The following EPHA3 variants were observed in gnomAD, a reference collection of about 807,000 sequenced individuals.
EPHA3 encodes the protein EPH receptor A3, also known as ephrin type-A receptor 3.
A neutral mutation model predicts 107.1 loss-of-function variants in EPHA3; 42 were observed. That is an observed-to-expected ratio of 0.39 (90% CI 0.31 to 0.51). The LOEUF is 0.51. Among genes scored for constraint, EPHA3 ranks in the 20% least tolerant of loss-of-function variants. The pLI, the probability that EPHA3 is intolerant of heterozygous loss-of-function variation, is 0.78. For synonymous variants in EPHA3, 461 were observed against 424.8 expected (o/e 1.09, Z -1.05); for missense variants, 1,183 against 1,211.2 (o/e 0.98, Z 0.35).
chr3:89,341,181 G>A (rs918457663), intron 4 of EPHA3, 110 bp downstream of exon 4: 29 of 1,182,668 alleles, frequency 2.5e-5, no homozygotes, highest in East Asian at 2.3e-4. Flanking sequence ...TCTGTTGCCC[G>A]TGTGCAAATT....
Position 89,480,297 on chromosome 3 carries a change from T to C in EPHA3, c.*795T>C, listed in dbSNP as rs1287228155. The C allele has an allele frequency of 2.6e-5, 6 of 232,900 alleles. No individual in the cohort carries two copies. The highest frequency in any genetic ancestry group is 4.4e-5 in the African/African-American group (2 of 45,328). 14.4% of individuals were successfully genotyped at this position (232,900 alleles called of 1,614,324 possible). ...CTTTCAGATTTTTTGAACCATCCACTTACATATATTTTTAAAAAATGAAAT... is the reference window on the plus strand; with the variant it reads ...CTTTCAGATTTTTTGAACCATCCACCTACATATATTTTTAAAAAATGAAAT... On this transcript the variant is annotated 3_prime_UTR_variant, in exon 17 of 17. Coordinates refer to ENST00000336596, the MANE Select transcript of EPHA3 (RefSeq NM_005233.6).
At chr3:89,157,229 T>A (rs748250821) in intron 2 of EPHA3, among the ~76,000 whole-genome samples, 1 of 152,088 alleles carries the variant, frequency 6.6e-6, no homozygotes, top group African/African-American at 2.4e-5. Flanking sequence ...GAACCACTTA[T>A]TCTCAAGTTC....
chr3:89,292,123 T>A (rs1469986063), intron 3 of EPHA3, among the ~76,000 whole-genome samples: 1 of 152,136 alleles, frequency 6.6e-6, no homozygotes, highest in Non-Finnish European at 1.5e-5. Context: ...TAAAGATCAT[T>A]TTACTGGAAA....
chr3:89,226,756 T>C (rs9310117), intron 3 of EPHA3, among the ~76,000 whole-genome samples: 73,833 of 151,850 alleles, frequency 0.49, 19,314 homozygotes, highest in East Asian at 0.69. Context: ...TGAATTACCT[T>C]GCTGTGACAG....
At chr3:89,371,729 C>T (rs1332909422) in intron 5 of EPHA3, among the ~76,000 whole-genome samples, 2 of 151,556 alleles carry the variant, frequency 1.3e-5, no homozygotes, top group Non-Finnish European at 3.0e-5. Context: ...CATACACACA[C>T]ACACACACAC....
intron 2 of EPHA3, among the ~76,000 whole-genome samples, chr3:89,156,462 C>T (rs982957799): frequency 5.9e-5 from 9 of 151,944 alleles, no homozygotes; most frequent in East Asian, 1.9e-4. Flanking sequence ...TTAACATGTG[C>T]TTCTTCTCTT....
chr3:89,366,728 T>C (rs1708191083), intron 5 of EPHA3, among the ~76,000 whole-genome samples: 1 of 150,614 alleles, frequency 6.6e-6, no homozygotes, highest in African/African-American at 2.4e-5. Flanking sequence ...TACAAAGTCA[T>C]TTATGAAATC....
intron 15 of EPHA3, among the ~76,000 whole-genome samples, chr3:89,451,306 A>G (rs766916020): frequency 1.3e-5 from 2 of 152,182 alleles, no homozygotes; most frequent in African/African-American, 4.8e-5. Context: ...CAGTGGAAAA[A>G]AGAAGGAAGA....
intron 3 of EPHA3, among the ~76,000 whole-genome samples, chr3:89,265,004 A>G (rs1226413762): frequency 6.6e-6 from 1 of 152,174 alleles, no homozygotes; most frequent in East Asian, 1.9e-4. Context: ...CTTTTAATGT[A>G]GTAATTTTAA....
intron 2 of EPHA3, among the ~76,000 whole-genome samples, chr3:89,174,218 A>G (rs899772750): frequency 2.6e-5 from 4 of 152,026 alleles, no homozygotes; most frequent in Non-Finnish European, 5.9e-5. Flanking sequence ...AAGAGGTCTT[A>G]GGTTTCCGTG....
intron 3 of EPHA3, among the ~76,000 whole-genome samples, chr3:89,291,906 G>A (rs976458144): frequency 2.6e-5 from 4 of 152,168 alleles, no homozygotes; most frequent in Non-Finnish European, 5.9e-5. Context: ...TACTGTGGAT[G>A]TATGGTAGCA....
At chr3:89,433,539 C>T (rs1018770192) in intron 13 of EPHA3, among the ~76,000 whole-genome samples, 6 of 151,934 alleles carry the variant, frequency 3.9e-5, no homozygotes, top group African/African-American at 1.5e-4. Flanking sequence ...AATAATAAAC[C>T]CTTTTGTTTT....
chr3:89,450,736 G>A (rs1309694776), intron 15 of EPHA3, among the ~76,000 whole-genome samples: 6 of 152,038 alleles, frequency 3.9e-5, no homozygotes, highest in African/African-American at 9.6e-5. Flanking sequence ...GTGAAATGCC[G>A]TTTCTACTAA....
chr3:89,144,192 G>T (rs1704488837), intron 2 of EPHA3, among the ~76,000 whole-genome samples: 2 of 151,540 alleles, frequency 1.3e-5, no homozygotes, highest in Non-Finnish European at 3.0e-5. Flanking sequence ...CATACAGAAT[G>T]GTTTAATTGC....
At chr3:89,198,351 A>C (rs1027538558) in intron 2 of EPHA3, among the ~76,000 whole-genome samples, 4 of 152,120 alleles carry the variant, frequency 2.6e-5, no homozygotes, top group African/African-American at 9.7e-5. Context: ...AGAAAATGTT[A>C]TTATTATTTT....
chr3:89,480,566 C>G lies in EPHA3; in HGVS notation c.*1064C>G, dbSNP rs770198658. ...AGCTCCACTGGAGAGAAGTGGAATC[C>G]TATATAGAATGCTGCACTAATTGAC... On this transcript the variant is annotated 3_prime_UTR_variant, in exon 17 of 17. Coordinates refer to ENST00000336596, the MANE Select transcript of EPHA3 (RefSeq NM_005233.6). The G allele has an allele frequency of 4.3e-6, 1 of 232,758 alleles. No homozygotes were observed. Among genetic ancestry groups the G allele is most frequent in the Non-Finnish European group, 8.5e-6 (1 of 117,572 alleles). 14.4% of individuals were successfully genotyped at this position (232,758 alleles called of 1,614,324 possible).
chr3:89,288,695 A>T (rs1706146262), intron 3 of EPHA3, among the ~76,000 whole-genome samples: 1 of 152,154 alleles, frequency 6.6e-6, no homozygotes, highest in Admixed American at 6.6e-5. Context: ...GAGCCTTTGA[A>T]CATTATTAGG....
chr3:89,354,333 C>T (rs1707899348), intron 5 of EPHA3, among the ~76,000 whole-genome samples: 1 of 151,040 alleles, frequency 6.6e-6, no homozygotes, highest in African/African-American at 2.4e-5. Flanking sequence ...TATATTACTA[C>T]CACTGGCAAA....
intron 3 of EPHA3, among the ~76,000 whole-genome samples, chr3:89,227,998 A>T (rs1559609880): frequency 6.6e-6 from 1 of 151,978 alleles, no homozygotes; most frequent in South Asian, 2.1e-4. Context: ...ATTAAAGTGT[A>T]TTGTGCATAA....
Sources: allele counts gnomAD v4.1 joint callset (sites outside exome capture counted in the v4.1 genomes callset), GRCh38; gene constraint gnomAD v4.1.1; transcripts MANE v1.5; gene names NCBI Gene and HGNC (gene_info 2026-07-23, HGNC 2026-07-21).